The following ILDR1 variants were observed in gnomAD, a reference collection of about 807,000 sequenced individuals.
ILDR1 encodes immunoglobulin like domain containing receptor 1, also known as immunoglobulin-like domain-containing receptor 1.
ILDR1 carries 56 observed loss-of-function variants against 62.4 expected under a neutral mutation model. That is an observed-to-expected ratio of 0.90 (90% CI 0.72 to 1.12). The LOEUF is 1.12. Ranked by LOEUF, ILDR1 falls within the 50% of genes most tolerant of loss-of-function variation. ILDR1 has a pLI of 0.00. For missense variants in ILDR1, 736 were observed against 710.6 expected, an observed-to-expected ratio of 1.04 and a Z score of -0.41; for synonymous variants, 284 against 277.8, an observed-to-expected ratio of 1.02 and a Z score of -0.22.
intron 3 of ILDR1, 62 bp from the exon 4 acceptor site, chr3:122,001,926 T>C: frequency 1.3e-6 from 2 of 1,593,492 alleles, no homozygotes; most frequent in East Asian, 2.2e-5. Flanking sequence ...TTCTAACCCA[T>C]GACACCCTCA....
At chr3:122,001,180 G>A in intron 5 of ILDR1, 128 bp downstream of exon 5, 1 of 1,093,452 alleles carries the variant, frequency 9.1e-7, no homozygotes, top group Non-Finnish European at 1.4e-6. Context: ...AATGTCCTCT[G>A]TCCCTATGAT....
chr3:121,998,155 G>T (rs997067381), intron 5 of ILDR1, among the ~76,000 whole-genome samples: 5 of 152,166 alleles, frequency 3.3e-5, no homozygotes, highest in Non-Finnish European at 5.9e-5. Context: ...AGGCCAGGCT[G>T]CTTCCCTTTC....
chr3:122,005,328 C>T lies in ILDR1; in HGVS notation c.295G>A (p.Val99Ile). The T allele has an allele frequency of 6.2e-7, 1 of 1,614,094 alleles. No homozygotes were observed. The highest frequency in any genetic ancestry group is 1.1e-5 in the South Asian group (1 of 91,072). ...CCCCGCCGCTGGGCCACTATGCGAA[C>T]TTCCCGCTGGTTGTCGTTGCAGTCA... ...SNDCNDNQREVRIVAQRRGQN... is the reference protein window; with the variant it reads ...SNDCNDNQREIRIVAQRRGQN... The change falls in exon 3 of 8, where the codon GTT (valine) becomes ATT (isoleucine). Residue 99 changes from valine (V) to isoleucine (I), a missense_variant. Physicochemically the swap from Val to Ile is conservative, Grantham distance 29 (BLOSUM62 3). Coordinates refer to ENST00000344209, the MANE Select transcript of ILDR1 (RefSeq NM_001199799.2).
Position 121,993,469 on chromosome 3 carries a change from G to C in ILDR1, c.1280C>G (p.Ser427Cys). Reference protein sequence around the residue: ...DRDSLSDVPSSSEARWRPSHP... With the variant: ...DRDSLSDVPSCSEARWRPSHP... Reference sequence around the variant, plus strand: ...GCTCGGCCGCCAGCGTGCCTCACTGGATGAGGGGACATCGCTTAGGCTGTC... The same window carrying C: ...GCTCGGCCGCCAGCGTGCCTCACTGCATGAGGGGACATCGCTTAGGCTGTC... The change falls in exon 7 of 8, where the codon TCC (serine) becomes TGC (cysteine). Residue 427 changes from serine to cysteine, a missense_variant. Physicochemically the swap from Ser to Cys is moderately radical, Grantham distance 112. Coordinates refer to ENST00000344209, the MANE Select transcript of ILDR1 (RefSeq NM_001199799.2). 6.2e-7 allele frequency: 1 copy of C among 1,614,234 alleles called. No homozygotes were observed. The highest frequency in any genetic ancestry group is 8.5e-7 in the Non-Finnish European group (1 of 1,180,048).
the ILDR1 span, among the ~76,000 whole-genome samples, chr3:122,053,087 A>G: frequency 2.7e-4 from 41 of 152,120 alleles, no homozygotes; most frequent in Admixed American, 2.3e-3. Flanking sequence ...TTTCTCACAA[A>G]AGGAATTGGT....
the ILDR1 span, among the ~76,000 whole-genome samples, chr3:122,047,791 C>G: frequency 4.6e-5 from 7 of 152,228 alleles, no homozygotes; most frequent in Non-Finnish European, 1.0e-4. Flanking sequence ...GTGCACGCAC[C>G]CACTGGCCTG....
At chr3:122,019,059 T>TA (rs1239506491) in intron 1 of ILDR1, among the ~76,000 whole-genome samples, 18 of 152,108 alleles carry the variant, frequency 1.2e-4, no homozygotes, top group Admixed American at 9.2e-4. Flanking sequence ...ACTGTGATGT[T>TA]AAAAAAAATT....
At chr3:122,034,643 G>T in the ILDR1 span, among the ~76,000 whole-genome samples, 1 of 152,164 alleles carries the variant, frequency 6.6e-6, no homozygotes, top group African/African-American at 2.4e-5. Context: ...GTTTTTTGTT[G>T]TTGTTGTTGT....
the ILDR1 span, among the ~76,000 whole-genome samples, chr3:122,042,791 G>C: frequency 2.6e-5 from 4 of 152,166 alleles, no homozygotes; most frequent in East Asian, 5.8e-4. Flanking sequence ...ATTTGTCTGA[G>C]TTCATTGTAG....
chr3:122,009,004 G>A (rs868869076), intron 1 of ILDR1, among the ~76,000 whole-genome samples: 8 of 151,710 alleles, frequency 5.3e-5, no homozygotes, highest in Non-Finnish European at 1.2e-4. Flanking sequence ...CGCAATCATG[G>A]CTCACTGCAA....
the ILDR1 span, among the ~76,000 whole-genome samples, chr3:122,059,813 T>G: frequency 6.6e-6 from 1 of 152,032 alleles, no homozygotes; most frequent in South Asian, 2.1e-4. Context: ...TTAGGGTGGG[T>G]CCTAATCCAA....
At chr3:122,009,987 G>A (rs750318501) in intron 1 of ILDR1, among the ~76,000 whole-genome samples, 5 of 152,200 alleles carry the variant, frequency 3.3e-5, no homozygotes, top group Non-Finnish European at 7.3e-5. Flanking sequence ...GAGACTCTGC[G>A]GCAGTGCAGG....
chr3:122,045,266 C>A, the ILDR1 span, among the ~76,000 whole-genome samples: 1 of 148,746 alleles, frequency 6.7e-6, no homozygotes, highest in Non-Finnish European at 1.5e-5. Context: ...AGTTTGATTG[C>A]ACTGTGGTCT....
At chr3:122,029,592 G>C in the ILDR1 span, among the ~76,000 whole-genome samples, 3 of 151,078 alleles carry the variant, frequency 2.0e-5, no homozygotes, top group Admixed American at 2.0e-4. Context: ...GGAGAGAGGA[G>C]AGAGATGGAT....
the ILDR1 span, among the ~76,000 whole-genome samples, chr3:122,056,395 C>T: frequency 6.6e-5 from 10 of 152,122 alleles, no homozygotes; most frequent in South Asian, 1.0e-3. Flanking sequence ...AGTGCAGTGG[C>T]GCAATCTCAG....
the ILDR1 span, among the ~76,000 whole-genome samples, chr3:122,057,638 T>C: frequency 3.9e-5 from 6 of 152,358 alleles, no homozygotes; most frequent in East Asian, 1.2e-3. Flanking sequence ...AGCTGGTTTT[T>C]TTCAGAGAAG....
chr3:122,023,158 A>T (rs543414082), upstream of ILDR1, among the ~76,000 whole-genome samples: 30 of 151,012 alleles, frequency 2.0e-4, no homozygotes, highest in African/African-American at 6.1e-4. Flanking sequence ...ATGTTTATTT[A>T]TTTTTTCTTA....
At chr3:121,992,181 G>A (rs535982733) in intron 7 of ILDR1, among the ~76,000 whole-genome samples, 43 of 152,224 alleles carry the variant, frequency 2.8e-4, no homozygotes, top group African/African-American at 1.0e-3. Flanking sequence ...TTGTCACCCA[G>A]GCTGGAGTGC....
chr3:122,028,234 G>GGA, the ILDR1 span, among the ~76,000 whole-genome samples: 14 of 151,732 alleles, frequency 9.2e-5, no homozygotes, highest in Middle Eastern at 3.4e-3. Context: ...TACTCAGGAG[G>GGA]CTGAGGCAGG....
Sources: gnomAD v4.1 joint callset for allele counts (sites outside exome capture counted in the v4.1 genomes callset) on GRCh38, gnomAD v4.1.1 for gene constraint, MANE v1.5 for transcripts, NCBI Gene and HGNC (gene_info 2026-07-23, HGNC 2026-07-21) for gene names.